Variants in TNXB observed in about 807,000 individuals in gnomAD.
The protein encoded by TNXB is tenascin-X.
In TNXB, 183 loss-of-function variants were observed where a neutral mutation model predicts 340.5. The observed-to-expected ratio is 0.54, with a 90% confidence interval of 0.48 to 0.61. The LOEUF is 0.61. Ranked by LOEUF, TNXB falls within the 20% of genes least tolerant of loss-of-function variation. The probability of loss-of-function intolerance (pLI) is 0.00; values close to 1 mark genes in which losing one functional copy is unlikely to be tolerated. For missense variants in TNXB, 4,613 were observed against 5,446.4 expected (o/e 0.85, Z 4.82); for synonymous variants, 2,121 against 2,314.5 (o/e 0.92, Z 2.40).
In TNXB at chr6:32,073,755, G is replaced by A. The variant is rs779751914; in HGVS notation, c.4573C>T (p.Arg1525Ter). 5 of 1,612,424 alleles carry A rather than the reference G, an allele frequency of 3.1e-6. No individual in the cohort carries two copies. Among genetic ancestry groups the A allele is most frequent in the Non-Finnish European group, 3.4e-6 (4 of 1,179,510 alleles). ...TCCAGGTTGTAGACTGTGACCTCTC[G>A]CTGGTCTGCCGCCACCGGCACCACC... Reference protein sequence around the residue: ...PQVVPVAADQREVTVYNLEPE... With the variant: ...PQVVPVAADQ Residue 1525 changes from arginine (R) to a stop codon, truncating the protein, a stop_gained, in exon 12 of 44, where the codon CGA becomes TGA. Coordinates refer to ENST00000644971, the MANE Select transcript of TNXB (RefSeq NM_001365276.2). LOFTEE classifies it high-confidence loss of function. The surrounding 1 kb of genome is among the most constrained non-coding windows in gnomAD (Gnocchi z 4.6).
chr6:32,057,007 T>C, intron 22 of TNXB, 104 bp from the exon 23 acceptor site: 1 of 1,425,564 alleles, frequency 7.0e-7, no homozygotes, highest in South Asian at 1.3e-5. Flanking sequence ...AGCAGGACGA[T>C]GCTGCCCACA....
At chr6:32,101,881 G>T (rs1391478833) in intron 1 of TNXB, among the ~76,000 whole-genome samples, 1 of 152,024 alleles carries the variant, frequency 6.6e-6, no homozygotes. Context: ...GCATCACCAT[G>T]CCTGGCTAAT....
chr6:32,042,310 T>G lies in TNXB; in HGVS notation c.12263A>C (p.Asp4088Ala). 6.7e-7 allele frequency: 1 copy of G among 1,497,512 alleles called. No individual in the cohort carries two copies. Among genetic ancestry groups the G allele is most frequent in the Non-Finnish European group, 9.2e-7 (1 of 1,086,362 alleles). 92.8% of individuals were successfully genotyped at this position (1,497,512 alleles called of 1,614,324 possible). The change falls in exon 41 of 44, where the codon GAC (aspartate) becomes GCC (alanine). Residue 4088 changes from aspartate (D) to alanine (A), a missense_variant. Asp to Ala is a moderately radical substitution (Grantham distance 126). Around this residue, in one of 7 missense-constraint regions of TNXB, gnomAD observed 121 missense variants for 177.4 expected, o/e 0.68. Coordinates refer to ENST00000644971, the MANE Select transcript of TNXB (RefSeq NM_001365276.2). ...GQTDFWRDWE[D>A]YAHGFGNISG... ...GATGTTCCCAAAACCATGGGCATAG[T>G]CCTCCCAGTCCCTCCAGAAGTCTGT...
At chr6:32,106,463 T>C (rs1026686357) in intron 1 of TNXB, among the ~76,000 whole-genome samples, 3 of 151,994 alleles carry the variant, frequency 2.0e-5, no homozygotes, top group Non-Finnish European at 2.9e-5. Context: ...GTGGGGGATG[T>C]GTCACTGGTA....
intron 19 of TNXB, among the ~76,000 whole-genome samples, chr6:32,063,632 C>T (rs1200272230): frequency 2.0e-5 from 3 of 152,176 alleles, no homozygotes; most frequent in African/African-American, 7.2e-5. Context: ...AGAGAGAGCA[C>T]CTCCAGTGAT....
chr6:32,084,442 T>C lies in TNXB; in HGVS notation c.3416A>G (p.His1139Arg), dbSNP rs746315834. The change falls in exon 8 of 44, where the codon CAT becomes CGT. Residue 1139 changes from histidine (H) to arginine (R), a missense_variant. Physicochemically the swap from His to Arg is conservative, Grantham distance 29. Coordinates refer to ENST00000644971, the MANE Select transcript of TNXB (RefSeq NM_001365276.2). The surrounding 1 kb of genome is among the most constrained non-coding windows in gnomAD (Gnocchi z 5.5). ...CTTGGCTTCAGCCACCAGCGGACCA[T>C]GCCTCTTCTTGCCAACAAACCCATA... ...VLYGFVGKKR[H>R]GPLVAEAKIL... The C allele has an allele frequency of 1.3e-6, 2 of 1,596,966 alleles. No homozygotes were observed. Among genetic ancestry groups the C allele is most frequent in the South Asian group, 1.1e-5 (1 of 89,516 alleles).
Position 32,073,569 on chromosome 6 carries a change from G to C in TNXB, c.4681+78C>G, listed in dbSNP as rs1277808112. ...TCAGTGAGGGTGCGGTGGTACCAAGGCAGGGCTGGAAGAAGGGCCATGGGG... is the reference window on the plus strand; with the variant it reads ...TCAGTGAGGGTGCGGTGGTACCAAGCCAGGGCTGGAAGAAGGGCCATGGGG... On this transcript the variant is annotated intron_variant, in intron 12 of 43. Transcript: ENST00000644971. The surrounding 1 kb of genome is among the most constrained non-coding windows in gnomAD (Gnocchi z 4.6). The C allele has an allele frequency of 7.3e-7, 1 of 1,362,994 alleles. No homozygotes were observed. The highest frequency in any genetic ancestry group is 2.0e-5 in the Admixed American group (1 of 50,006). 84.4% of individuals were successfully genotyped at this position (1,362,994 alleles called of 1,614,324 possible).
In TNXB at chr6:32,095,066, T is replaced by C. The variant is rs914013484; in HGVS notation, c.2358+10A>G. ...CTCAGTCCCCTCCTGGAGCCTGGCA[T>C]CTCTCTCACCGTGGGGATGAACTGA... On this transcript the variant is annotated intron_variant, in intron 4 of 43. Transcript: ENST00000644971. The C allele has an allele frequency of 6.5e-7, 1 of 1,546,326 alleles. No homozygotes were observed.
At chr6:32,060,057 G>A (rs1341997240) in intron 21 of TNXB, among the ~76,000 whole-genome samples, 1 of 151,942 alleles carries the variant, frequency 6.6e-6, no homozygotes, top group East Asian at 1.9e-4. Flanking sequence ...AAGTCTGGCT[G>A]GGCGCGGTGG....
Position 32,082,421 on chromosome 6 carries a change from G to A in TNXB, c.3446-95C>T, listed in dbSNP as rs149246897. 3.1e-6 allele frequency: 4 copies of A among 1,274,330 alleles called. No homozygotes were observed. Among genetic ancestry groups the A allele is most frequent in the African/African-American group, 1.5e-5 (1 of 67,604 alleles). The allele number at this position is 1,274,330 out of a possible 1,614,324, so 78.9% of individuals were successfully genotyped here. On this transcript the variant is annotated intron_variant, in intron 8 of 43. Transcript: ENST00000644971. This position sits in a 1 kb window ranked among gnomAD's most constrained non-coding sequence, Gnocchi z 5.0. ...AGGAATGCTGTGTGAGGCTGTGCAG[G>A]TTGTTCACTGCACAAAAGTGCATTT...
At position 32,096,981 on chromosome 6, in the gene TNXB, T is replaced by C; in HGVS notation, c.872A>G (p.Glu291Gly). 1.9e-6 allele frequency: 3 copies of C among 1,603,016 alleles called. No individual in the cohort carries two copies. The highest frequency in any genetic ancestry group is 2.6e-6 in the Non-Finnish European group (3 of 1,172,670). The change falls in exon 3 of 44, where the codon GAG becomes GGG. Residue 291 changes from glutamate (E) to glycine (G), a missense_variant. Around this residue, in one of 7 missense-constraint regions of TNXB, gnomAD observed 4,327 missense variants for 4,859.4 expected, o/e 0.89. Transcript: ENST00000644971. Reference sequence around the variant, plus strand: ...GGGGTTACACACGCAGCGCCCATTCTCACAGCGCCCCCTCTGACTGCAACC... The same window carrying C: ...GGGGTTACACACGCAGCGCCCATTCCCACAGCGCCCCCTCTGACTGCAACC... ...PRGCSQRGRCENGRCVCNPGY... is the reference protein window; with the variant it reads ...PRGCSQRGRCGNGRCVCNPGY...
chr6:32,081,989 T>A lies in TNXB; in HGVS notation c.3736+47A>T, dbSNP rs1399593088. 3 of 1,550,926 alleles carry A rather than the reference T, an allele frequency of 1.9e-6. No individual in the cohort carries two copies. The South Asian group carries it at 3.6e-5, about 18-fold the overall frequency. ...GTTTTGGGCTGAAGGGAAGTGTGCA[T>A]GGGGCTGAGAAGGGGTCACATGGGG... On this transcript the variant is annotated intron_variant, in intron 9 of 43. Transcript: ENST00000644971. This position sits in a 1 kb window ranked among gnomAD's most constrained non-coding sequence, Gnocchi z 5.1.
intron 4 of TNXB, chr6:32,093,201 G>C: frequency 1.7e-6 from 1 of 592,372 alleles, no homozygotes; most frequent in Non-Finnish European, 3.0e-6. Context: ...AATATATACA[G>C]AGAAGAAGAG....
In TNXB at chr6:32,109,307, C is replaced by T. The variant is rs1442698998; in HGVS notation, c.-135G>A. The stretch of plus-strand genomic sequence containing the variant: ...CCTGCAACAGGGGCTGAGCCACAAC[C>T]GACTGTGGATCTCGGCAGCGACAGT... On this transcript the variant is annotated 5_prime_UTR_variant, in exon 1 of 44. Coordinates refer to ENST00000644971, the MANE Select transcript of TNXB (RefSeq NM_001365276.2). The T allele has an allele frequency of 3.3e-5, 5 of 152,456 alleles. No individual in the cohort carries two copies. The highest frequency in any genetic ancestry group is 7.2e-5 in the African/African-American group (3 of 41,558). 9.4% of individuals were successfully genotyped at this position (152,456 alleles called of 1,614,324 possible).
Position 32,047,684 on chromosome 6 carries a change from C to T in TNXB, c.10324+50G>A. The T allele has an allele frequency of 1.3e-6, 2 of 1,533,318 alleles. No individual in the cohort carries two copies. The highest frequency in any genetic ancestry group is 1.3e-5 in the South Asian group (1 of 77,928). 95.0% of individuals were successfully genotyped at this position (1,533,318 alleles called of 1,614,324 possible). A position where few individuals can be genotyped will look rare whatever the true frequency, so the allele number is the denominator to read the frequency against. ...AAGGCTGCAGGGCCAGCTCTGAGGGCTCGGATGAGAGGCAGCTCTGGAAAA... is the reference window on the plus strand; with the variant it reads ...AAGGCTGCAGGGCCAGCTCTGAGGGTTCGGATGAGAGGCAGCTCTGGAAAA... On this transcript the variant is annotated intron_variant, in intron 30 of 43. Coordinates refer to ENST00000644971, the MANE Select transcript of TNXB (RefSeq NM_001365276.2). The surrounding 1 kb of genome is among the most constrained non-coding windows in gnomAD (Gnocchi z 6.2).
chr6:32,049,566 G>C lies in TNXB; in HGVS notation c.9461C>G (p.Thr3154Arg). 6.2e-7 allele frequency: 1 copy of C among 1,612,104 alleles called. No homozygotes were observed. The highest frequency in any genetic ancestry group is 8.5e-7 in the Non-Finnish European group (1 of 1,179,514). ...CTCCGGGGCCTCAGTGCTGGGTTCT[G>C]TGGGGCTGGGGGTCTCTTCCTCTGC... Reference protein sequence around the residue: ...GVTEEETPSPTEPSTEAPEAP... With the variant: ...GVTEEETPSPREPSTEAPEAP... Residue 3154 changes from threonine (T) to arginine (R), a missense_variant, in exon 28 of 44, where the codon ACA (threonine) becomes AGA (arginine). Thr to Arg is a moderately conservative substitution (Grantham distance 71). Coordinates refer to ENST00000644971, the MANE Select transcript of TNXB (RefSeq NM_001365276.2). The surrounding 1 kb of genome is among the most constrained non-coding windows in gnomAD (Gnocchi z 4.5).
At chr6:32,106,444 C>G (rs1005923934) in intron 1 of TNXB, among the ~76,000 whole-genome samples, 1 of 151,926 alleles carries the variant, frequency 6.6e-6, no homozygotes, top group Non-Finnish European at 1.5e-5. Flanking sequence ...AAATGCTGAC[C>G]GGTGAGGAGT....
chr6:32,091,828 C>T (rs1780088145), intron 4 of TNXB, among the ~76,000 whole-genome samples: 1 of 152,172 alleles, frequency 6.6e-6, no homozygotes, highest in Non-Finnish European at 1.5e-5. Flanking sequence ...ATATTAACCT[C>T]GTGGCTCCAG....
rs973661311 is a variant in TNXB, at chr6:32,095,827, C to T, written c.2026G>A (p.Glu676Lys). The T allele has an allele frequency of 3.1e-6, 5 of 1,612,426 alleles. No homozygotes were observed. The highest frequency in any genetic ancestry group is 1.3e-5 in the African/African-American group (1 of 75,030). The change falls in exon 3 of 44, where the codon GAG becomes AAG. Residue 676 changes from glutamate (E) to lysine (K), a missense_variant. Physicochemically the swap from Glu to Lys is moderately conservative, Grantham distance 56. Around this residue, in one of 7 missense-constraint regions of TNXB, gnomAD observed 4,327 missense variants for 4,859.4 expected, o/e 0.89. Coordinates refer to ENST00000644971, the MANE Select transcript of TNXB (RefSeq NM_001365276.2). ...VCLCHVGYGGEDCGQEEPPAS... is the reference protein window; with the variant it reads ...VCLCHVGYGGKDCGQEEPPAS... ...GGAGGCTCTTCCTGCCCGCAGTCCT[C>T]ACCGCCATAGCCCACGTGGCACAGG... is the stretch of plus-strand genomic sequence containing the variant.
Sources: gnomAD v4.1 joint callset for allele counts (sites outside exome capture counted in the v4.1 genomes callset) on GRCh38, gnomAD v4.1.1 for gene constraint, gnomAD v4.1.1 regional missense constraint, Gnocchi (gnomAD v3.1) non-coding constraint, MANE v1.5 for transcripts, NCBI Gene and HGNC (gene_info 2026-07-23, HGNC 2026-07-21) for gene names.